ZDBF2: variants seen among roughly 807,000 people sequenced by gnomAD.
The protein encoded by ZDBF2 is zinc finger DBF-type containing 2.
A neutral mutation model predicts 9.4 loss-of-function variants in ZDBF2; 6 were observed. The observed-to-expected ratio is 0.64, with a 90% CI of 0.35 to 1.27. The LOEUF is 1.27. Ranked by LOEUF, ZDBF2 falls within the 50% of genes most tolerant of loss-of-function variation. ZDBF2 has a pLI of 0.03. For missense variants in ZDBF2, 2,697 were observed against 2,766.8 expected (o/e 0.97, Z 0.57); for synonymous variants, 905 against 946.3 (o/e 0.96, Z 0.80).
At position 206,311,299 on chromosome 2, in the gene ZDBF2, T is replaced by G; in HGVS notation, c.6771T>G (p.Ser2257Arg). Residue 2257 changes from serine (S) to arginine (R), a missense_variant, in exon 5 of 5, where the codon AGT becomes AGG. Transcript: ENST00000374423. The stretch of plus-strand genomic sequence containing the variant: ...TGAAGAAGAAAAAATCTGTTGTCAG[T>G]AGGCTAAAGAAGGCGAAGAGAACAG... ...RYLKKKKSVVSRLKKAKRTAK... is the reference protein window; with the variant it reads ...RYLKKKKSVVRRLKKAKRTAK... 6.2e-7 allele frequency: 1 copy of G among 1,607,000 alleles called. No homozygotes were observed. Among genetic ancestry groups the G allele is most frequent in the South Asian group, 1.1e-5 (1 of 89,944 alleles).
At chr2:206,282,003 A>C in intron 3 of ZDBF2, 94 bp downstream of exon 3, 2 of 1,157,478 alleles carry the variant, frequency 1.7e-6, no homozygotes, top group East Asian at 2.6e-5. Context: ...TTCATTGAAC[A>C]GATCATATTG....
At position 206,297,321 on chromosome 2, in the gene ZDBF2, C is replaced by A; in HGVS notation, c.136C>A (p.Arg46Ser). 6.2e-7 allele frequency: 1 copy of A among 1,613,520 alleles called. No individual in the cohort carries two copies. ...RQICTSSLME[R>S]FLQDVLQHHP... is the part of the protein sequence containing the mutation. ...AATATGTACCAGTAGTTTGATGGAA[C>A]GTTTCTTACAGGATGTACTGCAGCA... is the stretch of plus-strand genomic sequence containing the variant. Residue 46 changes from arginine (R) to serine (S), a missense_variant, in exon 4 of 5, where the codon CGT becomes AGT. By Grantham distance (110) the Arg-to-Ser change is moderately radical. Coordinates refer to ENST00000374423, the MANE Select transcript of ZDBF2 (RefSeq NM_020923.3).
intron 3 of ZDBF2, among the ~76,000 whole-genome samples, chr2:206,288,336 C>T (rs931836680): frequency 5.9e-5 from 9 of 152,190 alleles, no homozygotes; most frequent in African/African-American, 2.2e-4. Context: ...CTGTGTTCAC[C>T]ATCAGCAATA....
chr2:206,278,588 C>T (rs1982368), intron 1 of ZDBF2, among the ~76,000 whole-genome samples: 13,322 of 152,138 alleles, frequency 0.088, 830 homozygotes, highest in Admixed American at 0.19. Flanking sequence ...CCCTTAAATT[C>T]TCAAATGAAA....
In ZDBF2 at chr2:206,311,510, C is replaced by T; in HGVS notation, c.6982C>T (p.Leu2328=). 2 of 1,581,716 alleles carry T rather than the reference C, an allele frequency of 1.3e-6. No individual in the cohort carries two copies. The highest frequency in any genetic ancestry group is 1.4e-5 in the African/African-American group (1 of 73,242). Residue 2328 remains leucine, a synonymous_variant, in exon 5 of 5, where the codon CTG becomes TTG. Transcript: ENST00000374423. Reference sequence around the variant, plus strand: ...TTCTACACCTGTGAGAGCATATGATCTGAGAAGCTCATCTTGTTTACAACA... The same window carrying T: ...TTCTACACCTGTGAGAGCATATGATTTGAGAAGCTCATCTTGTTTACAACA... ...GPSTPVRAYD[L]RSSSCLQQRE...
Position 206,305,527 on chromosome 2 carries a change from C to G in ZDBF2, c.999C>G (p.Phe333Leu). 11 of 1,613,534 alleles carry G rather than the reference C, an allele frequency of 6.8e-6. No homozygotes were observed. Among genetic ancestry groups the G allele is most frequent in the Non-Finnish European group, 9.3e-6 (11 of 1,179,762 alleles). ...CTATTGCAAAGAACCATGAGGAATT[C>G]TTTTCTAACATGGATTGTACCCAAG... Reference protein sequence around the residue: ...EDTIAKNHEEFFSNMDCTQEE... With the variant: ...EDTIAKNHEELFSNMDCTQEE... Residue 333 changes from phenylalanine (F) to leucine (L), a missense_variant, in exon 5 of 5, where the codon TTC becomes TTG. Physicochemically the swap from Phe to Leu is conservative, Grantham distance 22 (BLOSUM62 0). This residue lies in a region of ZDBF2 where 910 missense variants were observed against 973.6 expected (regional missense o/e 0.93). Coordinates refer to ENST00000374423, the MANE Select transcript of ZDBF2 (RefSeq NM_020923.3).
At position 206,305,069 on chromosome 2, in the gene ZDBF2, C is replaced by G. The variant is rs769008363; in HGVS notation, c.541C>G (p.Pro181Ala). Residue 181 changes from proline (P) to alanine (A), a missense_variant, in exon 5 of 5, where the codon CCA (proline) becomes GCA (alanine). Coordinates refer to ENST00000374423, the MANE Select transcript of ZDBF2 (RefSeq NM_020923.3). ...TNNRSNLVRP[P>A]VICNAPASCL... is the part of the protein sequence containing the mutation. Reference sequence around the variant, plus strand: ...TAATAGAAGCAACTTGGTACGCCCCCCAGTGATTTGTAATGCTCCTGCTAG... The same window carrying G: ...TAATAGAAGCAACTTGGTACGCCCCGCAGTGATTTGTAATGCTCCTGCTAG... 5 of 1,613,676 alleles carry G rather than the reference C, an allele frequency of 3.1e-6. No individual in the cohort carries two copies. Among genetic ancestry groups the G allele is most frequent in the Non-Finnish European group, 4.2e-6 (5 of 1,179,814 alleles).
At position 206,310,006 on chromosome 2, in the gene ZDBF2, A is replaced by G; in HGVS notation, c.5478A>G (p.Ser1826=). 3 of 1,612,940 alleles carry G rather than the reference A, an allele frequency of 1.9e-6. No individual in the cohort carries two copies. The highest frequency in any genetic ancestry group is 2.5e-6 in the Non-Finnish European group (3 of 1,179,650). The change falls in exon 5 of 5, where the codon TCA becomes TCG. Residue 1826 remains serine, a synonymous_variant. Transcript: ENST00000374423. Reference sequence around the variant, plus strand: ...AAGCCTTGCCTCATGTACCTCCTTCATTTGTGGGGAAAACATGGTCTCAGA... The same window carrying G: ...AAGCCTTGCCTCATGTACCTCCTTCGTTTGTGGGGAAAACATGGTCTCAGA... ...VLEALPHVPP[S]FVGKTWSQIM...
chr2:206,306,042 C>A lies in ZDBF2; in HGVS notation c.1514C>A (p.Thr505Asn). 1 of 1,613,684 alleles carries A rather than the reference C, an allele frequency of 6.2e-7. No homozygotes were observed. The highest frequency in any genetic ancestry group is 8.5e-7 in the Non-Finnish European group (1 of 1,179,746). Residue 505 changes from threonine (T) to asparagine (N), a missense_variant, in exon 5 of 5, where the codon ACT becomes AAT. Physicochemically the swap from Thr to Asn is moderately conservative, Grantham distance 65. This residue lies in a region of ZDBF2 where 910 missense variants were observed against 973.6 expected (regional missense o/e 0.93). Transcript: ENST00000374423. ...NFDCDASPQS[T>N]SDYPQQSVTE... ...GATTGTGATGCTTCACCTCAGTCCA[C>A]TAGTGACTACCCCCAACAATCTGTA...
intron 4 of ZDBF2, among the ~76,000 whole-genome samples, chr2:206,300,526 T>G (rs1692447412): frequency 6.6e-6 from 1 of 152,218 alleles, no homozygotes; most frequent in Non-Finnish European, 1.5e-5. Context: ...TGTGCCCTTC[T>G]CAGTGTGTAG....
At chr2:206,290,272 G>C (rs1691819468) in intron 3 of ZDBF2, among the ~76,000 whole-genome samples, 1 of 152,172 alleles carries the variant, frequency 6.6e-6, no homozygotes, top group African/African-American at 2.4e-5. Context: ...GCAAAATTTG[G>C]AATCAGGACA....
At chr2:206,286,447 T>C (rs1043239041) in intron 3 of ZDBF2, among the ~76,000 whole-genome samples, 3 of 152,160 alleles carry the variant, frequency 2.0e-5, no homozygotes, top group Non-Finnish European at 4.4e-5. Context: ...CTTTTTACAG[T>C]TTTTGACTTA....
chr2:206,291,265 C>T (rs1391361028), intron 3 of ZDBF2, among the ~76,000 whole-genome samples: 2 of 152,142 alleles, frequency 1.3e-5, no homozygotes, highest in African/African-American at 4.8e-5. Flanking sequence ...GATCATCAGG[C>T]ATTAGATTCT....
rs1043958467 is a variant in ZDBF2 at position 206,313,953 on chromosome 2, A to G, written c.*2360A>G. ...TGTTGAAACTTATAATTTAAATTAAATTGGAAATTACTTTCAGAATTTGGT... is the reference window on the plus strand; with the variant it reads ...TGTTGAAACTTATAATTTAAATTAAGTTGGAAATTACTTTCAGAATTTGGT... On this transcript the variant is annotated 3_prime_UTR_variant, in exon 5 of 5. Transcript: ENST00000374423. The G allele has an allele frequency of 1.3e-5, 2 of 152,232 alleles. No individual in the cohort carries two copies. Among genetic ancestry groups the G allele is most frequent in the African/African-American group, 4.8e-5 (2 of 41,470 alleles). 9.4% of individuals were successfully genotyped at this position (152,232 alleles called of 1,614,324 possible).
At chr2:206,286,736 G>T (rs1691622953) in intron 3 of ZDBF2, among the ~76,000 whole-genome samples, 1 of 152,066 alleles carries the variant, frequency 6.6e-6, no homozygotes, top group Admixed American at 6.6e-5. Flanking sequence ...TTTCTTGTAG[G>T]CGGTGTATTG....
intron 1 of ZDBF2, among the ~76,000 whole-genome samples, chr2:206,278,075 A>G (rs963276397): frequency 6.6e-6 from 1 of 152,184 alleles, no homozygotes; most frequent in South Asian, 2.1e-4. Context: ...TGGCTATAGA[A>G]TAGAATGTAC....
rs1279563301 is a variant in ZDBF2 at position 206,311,161 on chromosome 2, G to A, written c.6633G>A (p.Gln2211=). The A allele has an allele frequency of 6.2e-7, 1 of 1,613,096 alleles. No individual in the cohort carries two copies. The highest frequency in any genetic ancestry group is 1.1e-5 in the South Asian group (1 of 90,712). ...AACCCAGAAAAGCTTCAGAGAAACAGTCAATTTGGATTCGGACCAAACCAA... is the reference window on the plus strand; with the variant it reads ...AACCCAGAAAAGCTTCAGAGAAACAATCAATTTGGATTCGGACCAAACCAA... ...QQKPRKASEK[Q]SIWIRTKPSD... The change falls in exon 5 of 5, where the codon CAG becomes CAA. Residue 2211 remains glutamine, a synonymous_variant. Transcript: ENST00000374423.
chr2:206,279,281 G>A lies in ZDBF2; in HGVS notation c.-102-259G>A, dbSNP rs1169350635. Among the ~76,000 whole-genome samples the A allele has an allele frequency of 2.6e-5, 4 of 152,264 alleles. No homozygotes were observed. The East Asian group carries it at 7.7e-4, about 29-fold the overall frequency. On this transcript the variant is annotated intron_variant, in intron 1 of 4. Coordinates refer to ENST00000374423, the MANE Select transcript of ZDBF2 (RefSeq NM_020923.3). ...AGCCTTATAGTCTTTTACAGCTACT[G>A]TTCCAGGAACCTAGAGACCTGCAGT...
rs187680041 is a variant in ZDBF2, at chr2:206,306,577, C to T, written c.2049C>T (p.Ala683=). 394 of 1,613,444 alleles carry T rather than the reference C, an allele frequency of 2.4e-4. 1 individual carries two copies. Among genetic ancestry groups the T allele is most frequent in the Non-Finnish European group, 2.9e-4 (341 of 1,179,716 alleles). The change falls in exon 5 of 5, where the codon GCC becomes GCT. Residue 683 remains alanine, a synonymous_variant. Coordinates refer to ENST00000374423, the MANE Select transcript of ZDBF2 (RefSeq NM_020923.3). Reference sequence around the variant, plus strand: ...AATTAGCTGACCAGTCTCAAGTAGCCGAAATAGAGCGTCAGAAAGTGGATG... The same window carrying T: ...AATTAGCTGACCAGTCTCAAGTAGCTGAAATAGAGCGTCAGAAAGTGGATG... The part of the protein sequence containing the change: ...DAQLADQSQV[A]EIERQKVDVD...
Sources: allele counts gnomAD v4.1 joint callset (sites outside exome capture counted in the v4.1 genomes callset), GRCh38; gene constraint gnomAD v4.1.1; regional missense constraint gnomAD v4.1.1; transcripts MANE v1.5; gene names NCBI Gene and HGNC (gene_info 2026-07-23, HGNC 2026-07-21).